Variants in SOBP observed in about 807,000 individuals in gnomAD.
SOBP encodes the protein sine oculis-binding protein homolog.
SOBP carries 4 observed loss-of-function variants against 53.6 expected under a neutral mutation model. The ratio of observed to expected loss-of-function variants is 0.07; its 90% CI spans 0.04 to 0.17. The LOEUF is 0.17. SOBP is among the 10% of genes least tolerant of loss of function. The probability of loss-of-function intolerance (pLI) is 1.00; values close to 1 mark genes in which losing one functional copy is unlikely to be tolerated. For synonymous variants in SOBP, 584 were observed against 522.6 expected (o/e 1.12, Z -1.60); for missense variants, 1,088 against 1,204.7 (o/e 0.90, Z 1.43).
intron 1 of SOBP, among the ~76,000 whole-genome samples, chr6:107,499,600 A>G (rs1036511545): frequency 5.3e-5 from 8 of 152,232 alleles, no homozygotes; most frequent in Admixed American, 5.2e-4. Flanking sequence ...CAATGATAAA[A>G]TATTTGAAAT....
At chr6:107,553,397 C>T (rs993456679) in intron 4 of SOBP, among the ~76,000 whole-genome samples, 5 of 151,380 alleles carry the variant, frequency 3.3e-5, no homozygotes, top group African/African-American at 7.3e-5. Context: ...GGCACGATCT[C>T]GGCTCACTGC....
intron 4 of SOBP, among the ~76,000 whole-genome samples, chr6:107,578,513 C>A (rs1785305974): frequency 6.6e-6 from 1 of 152,150 alleles, no homozygotes; most frequent in Admixed American, 6.5e-5. Flanking sequence ...CACTTGTTAA[C>A]TGTGTGAGTT....
chr6:107,653,592 T>G (rs1288495050), intron 6 of SOBP, among the ~76,000 whole-genome samples: 1 of 152,166 alleles, frequency 6.6e-6, no homozygotes, highest in African/African-American at 2.4e-5. Flanking sequence ...ATGACAGACA[T>G]GGGGAGCTTG....
intron 5 of SOBP, among the ~76,000 whole-genome samples, chr6:107,598,199 G>A (rs940285426): frequency 3.3e-5 from 5 of 152,196 alleles, no homozygotes; most frequent in East Asian, 1.9e-4. Flanking sequence ...TACAAACTAC[G>A]CTTATATGAA....
chr6:107,542,983 A>C (rs1236479934), intron 4 of SOBP, among the ~76,000 whole-genome samples: 2 of 152,072 alleles, frequency 1.3e-5, no homozygotes, highest in Non-Finnish European at 2.9e-5. Flanking sequence ...CTAGCCTTAG[A>C]GGTAGCATTA....
intron 4 of SOBP, among the ~76,000 whole-genome samples, chr6:107,572,560 C>T (rs4451176): frequency 0.58 from 87,612 of 152,044 alleles, 28,719 homozygotes; most frequent in East Asian, 0.89. Flanking sequence ...CACCTCAGCT[C>T]CCTAAAGTGC....
chr6:107,516,340 T>C (rs772445662), intron 3 of SOBP, among the ~76,000 whole-genome samples: 1 of 152,030 alleles, frequency 6.6e-6, no homozygotes, highest in Non-Finnish European at 1.5e-5. Flanking sequence ...TGCGCTCCTA[T>C]AATCCCAACT....
At chr6:107,650,042 G>A (rs1771738092) in intron 6 of SOBP, among the ~76,000 whole-genome samples, 1 of 152,164 alleles carries the variant, frequency 6.6e-6, no homozygotes, top group Non-Finnish European at 1.5e-5. Flanking sequence ...TCCCAGTAGG[G>A]AGTCTTACAT....
intron 4 of SOBP, among the ~76,000 whole-genome samples, chr6:107,538,433 A>G (rs920138240): frequency 6.6e-6 from 1 of 151,434 alleles, no homozygotes; most frequent in African/African-American, 2.5e-5. Context: ...TGACCACCTG[A>G]AGCTCAGGCC....
At chr6:107,509,938 C>T (rs1169958564) in intron 3 of SOBP, 1 of 152,156 alleles carries the variant, frequency 6.6e-6, no homozygotes, top group African/African-American at 2.4e-5. Context: ...CTCTGTCCTA[C>T]TCAAGGGTTC....
chr6:107,494,139 G>C (rs1782643463), intron 1 of SOBP, among the ~76,000 whole-genome samples: 1 of 152,102 alleles, frequency 6.6e-6, no homozygotes, highest in African/African-American at 2.4e-5. Context: ...TTGTACCAAT[G>C]TACTTACAAT....
At chr6:107,501,320 T>C (rs992554105) in intron 1 of SOBP, among the ~76,000 whole-genome samples, 1 of 152,226 alleles carries the variant, frequency 6.6e-6, no homozygotes, top group African/African-American at 2.4e-5. Flanking sequence ...TCTGAAAGGC[T>C]GAATGGATTT....
intron 4 of SOBP, among the ~76,000 whole-genome samples, chr6:107,554,066 C>T (rs897222067): frequency 6.6e-6 from 1 of 152,064 alleles, no homozygotes; most frequent in African/African-American, 2.4e-5. Context: ...AGCTGTAAAT[C>T]CACCAGCATG....
At chr6:107,497,381 T>C (rs997237110) in intron 1 of SOBP, among the ~76,000 whole-genome samples, 1 of 152,252 alleles carries the variant, frequency 6.6e-6, no homozygotes, top group African/African-American at 2.4e-5. Context: ...TCATTAGGAC[T>C]GTGACTATAG....
intron 6 of SOBP, among the ~76,000 whole-genome samples, chr6:107,649,769 G>A (rs529177485): frequency 5.9e-5 from 9 of 152,190 alleles, no homozygotes; most frequent in Admixed American, 5.2e-4. Context: ...CTGGTCATTT[G>A]GTTTGCTTAA....
intron 1 of SOBP, among the ~76,000 whole-genome samples, chr6:107,499,017 A>G (rs1782768189): frequency 6.6e-6 from 1 of 152,228 alleles, no homozygotes; most frequent in African/African-American, 2.4e-5. Context: ...ACTAGAGGTC[A>G]ATGATCAAAT....
chr6:107,617,361 A>G (rs1255980878), intron 5 of SOBP, among the ~76,000 whole-genome samples: 1 of 152,122 alleles, frequency 6.6e-6, no homozygotes, highest in Non-Finnish European at 1.5e-5. Flanking sequence ...AGTCATGAGG[A>G]ATGTGTGAGT....
rs980833625 is a variant in SOBP at position 107,641,348 on chromosome 6, GAAAGAAGAAA to G, written c.*3+5881_*3+5890del. On this transcript the variant is annotated intron_variant, in intron 6 of 6. Transcript: ENST00000317357. ...ACCATTTCCCACAAGGGCCTGTGAT[GAAAGAAGAAA>G]AGAGAAGCAAGAAAAGAAATAAGCT... Among the ~76,000 whole-genome samples, 91 of 152,322 alleles carry G rather than the reference GAAAGAAGAAA, an allele frequency of 6.0e-4. 2 individuals are homozygous for G. The highest frequency in any genetic ancestry group is 5.1e-3 in the Admixed American group (78 of 15,308).
At chr6:107,550,993 G>A (rs1784444162) in intron 4 of SOBP, among the ~76,000 whole-genome samples, 1 of 152,228 alleles carries the variant, frequency 6.6e-6, no homozygotes. Flanking sequence ...ACAGGGCTCA[G>A]GGCTCATGGA....
Sources: gnomAD v4.1 joint callset for allele counts (sites outside exome capture counted in the v4.1 genomes callset) on GRCh38, gnomAD v4.1.1 for gene constraint, MANE v1.5 for transcripts, NCBI Gene and HGNC (gene_info 2026-07-23, HGNC 2026-07-21) for gene names.